MINDY4: variants seen among roughly 807,000 people sequenced by gnomAD.
The protein encoded by MINDY4 is probable ubiquitin carboxyl-terminal hydrolase MINDY-4.
Under a neutral mutation model 87.0 loss-of-function variants are expected in MINDY4, and 68 were observed. The observed-to-expected ratio is 0.78, with a 90% CI of 0.64 to 0.96. MINDY4 has a LOEUF of 0.96. Ranked by LOEUF, MINDY4 falls within the 40% of genes least tolerant of loss-of-function variation. The pLI is 0.00. For missense variants in MINDY4, 919 were observed against 928.2 expected, an observed-to-expected ratio of 0.99 and a Z score of 0.13; for synonymous variants, 379 against 363.2, an observed-to-expected ratio of 1.04 and a Z score of -0.50.
intron 13 of MINDY4, among the ~76,000 whole-genome samples, chr7:30,871,057 T>C (rs1790092190): frequency 6.6e-6 from 1 of 151,592 alleles, no homozygotes; most frequent in South Asian, 2.1e-4. Context: ...CCCTGGGTCG[T>C]GTGTACCCCC....
intron 5 of MINDY4, among the ~76,000 whole-genome samples, chr7:30,795,465 G>T (rs1269939695): frequency 6.6e-6 from 1 of 152,208 alleles, no homozygotes; most frequent in Non-Finnish European, 1.5e-5. Flanking sequence ...GGGGTACCAA[G>T]ATATGAAGGC....
chr7:30,835,494 G>C (rs1164230812), intron 6 of MINDY4, among the ~76,000 whole-genome samples: 4 of 152,222 alleles, frequency 2.6e-5, no homozygotes, highest in Non-Finnish European at 5.9e-5. Context: ...TCTCATCTAA[G>C]TTCAGGTTCA....
chr7:30,853,377 T>C lies in MINDY4; in HGVS notation c.1612-17T>C. On this transcript the variant is annotated splice_polypyrimidine_tract_variant and intron_variant, in intron 11 of 17. Transcript: ENST00000265299. ...TGGGGCTTGGGCCACTCATCCTGAGTGTTTGTGTCTTCTCAGCTTACGCTT... is the reference window on the plus strand; with the variant it reads ...TGGGGCTTGGGCCACTCATCCTGAGCGTTTGTGTCTTCTCAGCTTACGCTT... 2 of 1,611,048 alleles carry C rather than the reference T, an allele frequency of 1.2e-6. No homozygotes were observed. Among genetic ancestry groups the C allele is most frequent in the Non-Finnish European group, 1.7e-6 (2 of 1,178,140 alleles).
chr7:30,877,376 C>T lies in MINDY4; in HGVS notation c.1971+1720C>T, dbSNP rs149709954. On this transcript the variant is annotated intron_variant, in intron 15 of 17. Coordinates refer to ENST00000265299, the MANE Select transcript of MINDY4 (RefSeq NM_032222.3). ...GGGAAAACCAGTTGGGGTCATCCTT[C>T]CCTTGTAATAAAATTGAAGAAATTC... Among the ~76,000 whole-genome samples, 321 of 152,262 alleles carry T rather than the reference C, an allele frequency of 2.1e-3. 3 individuals are homozygous for T. The highest frequency in any genetic ancestry group is 7.5e-3 in the African/African-American group (312 of 41,542).
intron 5 of MINDY4, among the ~76,000 whole-genome samples, chr7:30,818,144 A>G (rs1055762548): frequency 1.9e-4 from 29 of 152,140 alleles, no homozygotes; most frequent in Non-Finnish European, 2.9e-4. Flanking sequence ...AGAAACATAT[A>G]TGGATATTTA....
chr7:30,772,361 G>A (rs1786670576), intron 1 of MINDY4, among the ~76,000 whole-genome samples: 1 of 152,174 alleles, frequency 6.6e-6, no homozygotes, highest in South Asian at 2.1e-4. Context: ...GAGGAAAGGG[G>A]AAGGACTTTG....
chr7:30,875,369 T>C, intron 14 of MINDY4, 126 bp from the exon 15 acceptor site: 1 of 1,064,806 alleles, frequency 9.4e-7, no homozygotes, highest in Non-Finnish European at 1.4e-6. Context: ...CCTCCTCTGC[T>C]CTCAGGCTCT....
At chr7:30,863,392 CTGTA>C (rs1789827575) in intron 13 of MINDY4, among the ~76,000 whole-genome samples, 1 of 152,126 alleles carries the variant, frequency 6.6e-6, no homozygotes, top group Admixed American at 6.5e-5. Context: ...ATTGGTGACA[CTGTA>C]TGGCCGGGTG....
intron 2 of MINDY4, chr7:30,781,717 A>G (rs1409212129): frequency 2.2e-6 from 1 of 447,140 alleles, no homozygotes; most frequent in Non-Finnish European, 3.9e-6. Flanking sequence ...ATCACATTTT[A>G]TTCTAGTTGT....
In MINDY4 at chr7:30,785,876, G is replaced by A. The variant is rs1222643479; in HGVS notation, c.547G>A (p.Asp183Asn). ...GTTGACTTCTGCATGGGAGAAGATA[G>A]ACAAGCTTCACTCGGAGCCTTCCTT... Reference protein sequence around the residue: ...PVLTSAWEKIDKLHSEPSLDV... With the variant: ...PVLTSAWEKINKLHSEPSLDV... The change falls in exon 4 of 18, where the codon GAC (aspartate) becomes AAC (asparagine). Residue 183 changes from aspartate to asparagine, a missense_variant. Coordinates refer to ENST00000265299, the MANE Select transcript of MINDY4 (RefSeq NM_032222.3). 1 of 1,614,234 alleles carries A rather than the reference G, an allele frequency of 6.2e-7. No individual in the cohort carries two copies. The highest frequency in any genetic ancestry group is 1.1e-5 in the South Asian group (1 of 91,084).
At position 30,816,923 on chromosome 7, in the gene MINDY4, A is replaced by G. The variant is rs549662641; in HGVS notation, c.1074-11756A>G. Among the ~76,000 whole-genome samples, 4 of 152,342 alleles carry G rather than the reference A, an allele frequency of 2.6e-5. No individual in the cohort carries two copies. In the East Asian group the frequency reaches 7.7e-4, roughly 29 times the overall value. On this transcript the variant is annotated intron_variant, in intron 5 of 17. Coordinates refer to ENST00000265299, the MANE Select transcript of MINDY4 (RefSeq NM_032222.3). ...TTATATGTTGTAGGTCAACCGTTTGAGAACTGGCAACTGCAGGGTATAAAC... is the reference window on the plus strand; with the variant it reads ...TTATATGTTGTAGGTCAACCGTTTGGGAACTGGCAACTGCAGGGTATAAAC...
At chr7:30,848,977 A>C (rs1485822505) in intron 9 of MINDY4, among the ~76,000 whole-genome samples, 1 of 152,178 alleles carries the variant, frequency 6.6e-6, no homozygotes, top group Non-Finnish European at 1.5e-5. Context: ...GGACCTTACA[A>C]ACATCTCCTT....
intron 5 of MINDY4, among the ~76,000 whole-genome samples, chr7:30,798,741 G>T (rs1355973250): frequency 6.6e-6 from 1 of 152,058 alleles, no homozygotes; most frequent in Non-Finnish European, 1.5e-5. Context: ...CTTGTGATCC[G>T]CCCGCCTCGG....
At chr7:30,774,742 C>T (rs980224988) in intron 1 of MINDY4, among the ~76,000 whole-genome samples, 1 of 151,812 alleles carries the variant, frequency 6.6e-6, no homozygotes, top group African/African-American at 2.4e-5. Context: ...GAGACTGTCC[C>T]TCTTAGCTTT....
chr7:30,838,806 G>C (rs1277540277), intron 7 of MINDY4, among the ~76,000 whole-genome samples: 1 of 152,126 alleles, frequency 6.6e-6, no homozygotes, highest in Non-Finnish European at 1.5e-5. Flanking sequence ...TTGTTTTTAG[G>C]AACTTCGTAT....
chr7:30,863,605 G>A (rs1207020326), intron 13 of MINDY4, among the ~76,000 whole-genome samples: 1 of 152,164 alleles, frequency 6.6e-6, no homozygotes, highest in Non-Finnish European at 1.5e-5. Context: ...CCTCCTGTCT[G>A]TTGGCCATTC....
intron 9 of MINDY4, among the ~76,000 whole-genome samples, chr7:30,844,270 G>A (rs1789135055): frequency 6.6e-6 from 1 of 152,128 alleles, no homozygotes; most frequent in African/African-American, 2.4e-5. Flanking sequence ...GCCTGGCTTA[G>A]TTATGGAGCT....
At chr7:30,800,341 G>A (rs1398368678) in intron 5 of MINDY4, among the ~76,000 whole-genome samples, 5 of 152,192 alleles carry the variant, frequency 3.3e-5, no homozygotes, top group African/African-American at 9.7e-5. Flanking sequence ...AGACTGAAAC[G>A]AAACTGTTTC....
chr7:30,858,118 C>T (rs1229409492), intron 12 of MINDY4: 1 of 151,772 alleles, frequency 6.6e-6, no homozygotes, highest in African/African-American at 2.4e-5. Context: ...TGTCTTCAGT[C>T]ACAGTTCATG....
Sources: gnomAD v4.1 joint callset for allele counts (sites outside exome capture counted in the v4.1 genomes callset) on GRCh38, gnomAD v4.1.1 for gene constraint, MANE v1.5 for transcripts, NCBI Gene and HGNC (gene_info 2026-07-23, HGNC 2026-07-21) for gene names.